Variants in CCDC3 observed in about 807,000 individuals in gnomAD.
The protein encoded by CCDC3 is coiled-coil domain containing 3, also known as coiled-coil domain-containing protein 3.
CCDC3 carries 24 observed loss-of-function variants against 21.4 expected under a neutral mutation model. The ratio of observed to expected loss-of-function variants is 1.12; its 90% confidence interval spans 0.81 to 1.58. CCDC3 has a LOEUF of 1.58. Ranked by LOEUF, CCDC3 falls within the 40% of genes most tolerant of loss-of-function variation. CCDC3 has a pLI of 0.00. For missense variants in CCDC3, 425 were observed against 360.9 expected (o/e 1.18, Z -1.44); for synonymous variants, 186 against 166.0 (o/e 1.12, Z -0.93).
intron 5 of CCDC3, among the ~76,000 whole-genome samples, chr10:13,035,218 T>C (rs1836363813): frequency 2.0e-5 from 3 of 152,046 alleles, no homozygotes; most frequent in Non-Finnish European, 2.9e-5. Flanking sequence ...TTGGCTTTAG[T>C]GCATTTTTCT....
At chr10:13,072,072 T>G (rs1241014006) in intron 4 of CCDC3, among the ~76,000 whole-genome samples, 1 of 152,202 alleles carries the variant, frequency 6.6e-6, no homozygotes, top group African/African-American at 2.4e-5. Context: ...GTTGGGCTTT[T>G]GGCCTCCCCT....
intron 2 of CCDC3, among the ~76,000 whole-genome samples, chr10:12,969,063 A>G (rs1194563615): frequency 6.6e-6 from 1 of 152,190 alleles, no homozygotes; most frequent in African/African-American, 2.4e-5. Flanking sequence ...TACACACCTG[A>G]TAAGAAGTTA....
At chr10:13,022,604 A>G (rs1029008829) in intron 5 of CCDC3, among the ~76,000 whole-genome samples, 4 of 152,212 alleles carry the variant, frequency 2.6e-5, no homozygotes, top group African/African-American at 9.7e-5. Context: ...AAAAACTGCA[A>G]TTTCTTTTGC....
chr10:12,985,151 T>C (rs1835567845), intron 2 of CCDC3, among the ~76,000 whole-genome samples: 1 of 152,214 alleles, frequency 6.6e-6, no homozygotes, highest in Non-Finnish European at 1.5e-5. Context: ...AAATCTACTC[T>C]TATCCAGGGT....
At chr10:12,973,161 T>C (rs956404001) in intron 2 of CCDC3, among the ~76,000 whole-genome samples, 6 of 152,224 alleles carry the variant, frequency 3.9e-5, no homozygotes. Flanking sequence ...CTTATTTCAT[T>C]TAAGACCTGA....
chr10:13,020,137 G>A (rs375521589), intron 5 of CCDC3, among the ~76,000 whole-genome samples: 1 of 152,090 alleles, frequency 6.6e-6, no homozygotes, highest in Non-Finnish European at 1.5e-5. Context: ...TTTTCACTTC[G>A]ACTTCAGATA....
chr10:13,021,682 C>A (rs1030307895), intron 5 of CCDC3, among the ~76,000 whole-genome samples: 1 of 152,172 alleles, frequency 6.6e-6, no homozygotes, highest in African/African-American at 2.4e-5. Context: ...GATAGTTTAT[C>A]TCCAATAAGA....
chr10:12,947,269 TC>T (rs1284857889), intron 2 of CCDC3, among the ~76,000 whole-genome samples: 1 of 152,070 alleles, frequency 6.6e-6, no homozygotes, highest in Non-Finnish European at 1.5e-5. Context: ...TGCCTCAGCC[TC>T]CCAAGTAGCT....
intron 2 of CCDC3, among the ~76,000 whole-genome samples, chr10:12,954,995 A>G (rs1835061676): frequency 6.6e-6 from 1 of 152,198 alleles, no homozygotes; most frequent in South Asian, 2.1e-4. Flanking sequence ...GTACTGTCCC[A>G]CCTAGACATT....
intron 2 of CCDC3, among the ~76,000 whole-genome samples, chr10:12,933,151 G>A (rs887866842): frequency 1.1e-4 from 16 of 152,100 alleles, no homozygotes; most frequent in Non-Finnish European, 2.9e-5. Context: ...TAGGTAGTAG[G>A]GGAGTGCTGG....
At chr10:12,914,534 C>G (rs938679101) in intron 2 of CCDC3, among the ~76,000 whole-genome samples, 4 of 152,100 alleles carry the variant, frequency 2.6e-5, no homozygotes, top group Non-Finnish European at 4.4e-5. Flanking sequence ...CAACCTCCGC[C>G]TCCTGGGTCA....
intron 5 of CCDC3, among the ~76,000 whole-genome samples, chr10:13,035,301 C>T (rs1350602544): frequency 2.0e-5 from 3 of 152,070 alleles, no homozygotes; most frequent in African/African-American, 4.8e-5. Context: ...AAGAAATTCT[C>T]ACTTTTGGGC....
chr10:12,928,110 T>A (rs1166519501), intron 2 of CCDC3, among the ~76,000 whole-genome samples: 2 of 152,154 alleles, frequency 1.3e-5, no homozygotes, highest in African/African-American at 4.8e-5. Context: ...GGCAAAGCAA[T>A]GCTGTTCAAA....
At chr10:12,914,009 A>G (rs904944207) in intron 2 of CCDC3, among the ~76,000 whole-genome samples, 5 of 152,164 alleles carry the variant, frequency 3.3e-5, no homozygotes, top group Admixed American at 2.0e-4. Context: ...GAACTTTTGC[A>G]TCTACGTTCA....
intron 4 of CCDC3, among the ~76,000 whole-genome samples, chr10:13,065,263 T>C (rs1836809035): frequency 6.6e-6 from 1 of 152,240 alleles, no homozygotes; most frequent in South Asian, 2.1e-4. Context: ...AAGGATCTTA[T>C]GTTTAGTGTT....
chr10:12,949,799 G>A (rs1451534042), intron 2 of CCDC3, among the ~76,000 whole-genome samples: 1 of 152,176 alleles, frequency 6.6e-6, no homozygotes, highest in African/African-American at 2.4e-5. Flanking sequence ...AGAGGAAAGT[G>A]CAATCATGAC....
At chr10:13,009,318 CAA>C (rs1209600642) in intron 5 of CCDC3, among the ~76,000 whole-genome samples, 1 of 151,984 alleles carries the variant, frequency 6.6e-6, no homozygotes, top group Non-Finnish European at 1.5e-5. Context: ...TTGGGAGACT[CAA>C]TATTGTTAAG....
At chr10:12,907,570 AGAG>A (rs1388476032) in intron 2 of CCDC3, among the ~76,000 whole-genome samples, 2 of 152,252 alleles carry the variant, frequency 1.3e-5, no homozygotes, top group South Asian at 2.1e-4. Context: ...GCTTGACCCG[AGAG>A]GAGGAGTTGG....
At chr10:12,926,864 CAT>C (rs927034813) in intron 2 of CCDC3, among the ~76,000 whole-genome samples, 14 of 152,174 alleles carry the variant, frequency 9.2e-5, no homozygotes, top group African/African-American at 3.4e-4. Flanking sequence ...GAGGTCAACT[CAT>C]AAAGACATTA....
Sources: gnomAD v4.1 joint callset for allele counts (sites outside exome capture counted in the v4.1 genomes callset) on GRCh38, gnomAD v4.1.1 for gene constraint, MANE v1.5 for transcripts, NCBI Gene and HGNC (gene_info 2026-07-23, HGNC 2026-07-21) for gene names.